The following SNTG1 variants were observed in gnomAD, a reference collection of about 807,000 sequenced individuals.
SNTG1 encodes gamma-1-syntrophin.
In SNTG1, 39 loss-of-function variants were observed where a neutral mutation model predicts 74.7. That is an observed-to-expected ratio of 0.52 (90% CI 0.40 to 0.68). SNTG1 has a LOEUF of 0.68. SNTG1 is among the 30% of genes least tolerant of loss of function. The pLI, the probability that SNTG1 is intolerant of heterozygous loss-of-function variation, is 0.00. For missense variants in SNTG1, 685 were observed against 609.5 expected, an observed-to-expected ratio of 1.12 and a Z score of -1.30; for synonymous variants, 254 against 217.1, an observed-to-expected ratio of 1.17 and a Z score of -1.49.
intron 9 of SNTG1, among the ~76,000 whole-genome samples, chr8:50,512,347 C>T (rs1025435754): frequency 1.3e-5 from 2 of 151,704 alleles, no homozygotes; most frequent in East Asian, 1.9e-4. Flanking sequence ...CTGCCCTTAA[C>T]ATTTTTTCCT....
intron 17 of SNTG1, among the ~76,000 whole-genome samples, chr8:50,732,454 T>A (rs2095515227): frequency 6.6e-6 from 1 of 151,964 alleles, no homozygotes; most frequent in African/African-American, 2.4e-5. Flanking sequence ...TCCCCTAACA[T>A]TATATTACTT....
At position 50,515,387 on chromosome 8, in the gene SNTG1, G is replaced by GTT. The variant is rs34086906; in HGVS notation, c.466+12534_466+12535dup. 4.4e-4 allele frequency among the ~76,000 whole-genome samples: 35 copies of GTT among 80,442 alleles called. 3 individuals carry two copies. Among genetic ancestry groups the GTT allele is most frequent in the African/African-American group, 6.5e-4 (14 of 21,502 alleles). 52.8% of individuals were successfully genotyped at this position (80,442 alleles called of 152,430 possible). A position where few individuals can be genotyped will look rare whatever the true frequency, so the allele number is the denominator to read the frequency against. On this transcript the variant is annotated intron_variant, in intron 9 of 18. Coordinates refer to ENST00000642720, the MANE Select transcript of SNTG1 (RefSeq NM_018967.5). ...GGCAGACAACAAGCTAGCTGCAGGA[G>GTT]TTTTTTTTTTTTTTTTTTTTTTTTT...
At chr8:49,960,803 G>GGT (rs1585670440) in intron 1 of SNTG1, among the ~76,000 whole-genome samples, 1 of 152,104 alleles carries the variant, frequency 6.6e-6, no homozygotes, top group East Asian at 1.9e-4. Context: ...ACCTCAGATA[G>GGT]AGACAATAGA....
At chr8:50,580,615 G>A (rs951774627) in intron 12 of SNTG1, among the ~76,000 whole-genome samples, 3 of 152,140 alleles carry the variant, frequency 2.0e-5, no homozygotes, top group African/African-American at 7.2e-5. Flanking sequence ...TGAGTTCTCA[G>A]GAGATCTGAT....
At chr8:50,781,931 C>A (rs2095660812) in intron 18 of SNTG1, among the ~76,000 whole-genome samples, 1 of 152,100 alleles carries the variant, frequency 6.6e-6, no homozygotes, top group African/African-American at 2.4e-5. Context: ...ATTTGCTTGT[C>A]TGTAAAGGAT....
intron 5 of SNTG1, among the ~76,000 whole-genome samples, chr8:50,441,009 A>G (rs2093353122): frequency 6.6e-6 from 1 of 152,224 alleles, no homozygotes; most frequent in Non-Finnish European, 1.5e-5. Flanking sequence ...GCCATGCCCT[A>G]CACTCTTGAC....
At chr8:50,530,370 C>T in intron 10 of SNTG1, 111 bp downstream of exon 10, 1 of 1,024,440 alleles carries the variant, frequency 9.8e-7, no homozygotes, top group Non-Finnish European at 1.5e-6. Flanking sequence ...GTTGCATAAT[C>T]ATTTAAGAAT....
intron 12 of SNTG1, among the ~76,000 whole-genome samples, chr8:50,571,850 A>T (rs1285730821): frequency 2.6e-5 from 4 of 152,086 alleles, no homozygotes; most frequent in African/African-American, 9.7e-5. Context: ...TTACAAAAGA[A>T]ATCACTTTGA....
At chr8:50,278,825 T>C (rs1298641028) in intron 2 of SNTG1, among the ~76,000 whole-genome samples, 2 of 119,660 alleles carry the variant, frequency 1.7e-5, no homozygotes, top group African/African-American at 2.5e-5. Flanking sequence ...CCAATATTTA[T>C]ACCTTTAACT....
chr8:50,545,491 A>AATATATAT lies in SNTG1; in HGVS notation c.681-7550_681-7543dup, dbSNP rs60704745. Among the ~76,000 whole-genome samples the AATATATAT allele has an allele frequency of 7.0e-3, 1,027 of 147,000 alleles. 13 individuals are homozygous for AATATATAT. Among genetic ancestry groups the AATATATAT allele is most frequent in the African/African-American group, 0.024 (965 of 40,400 alleles). On this transcript the variant is annotated intron_variant, in intron 11 of 18. Transcript: ENST00000642720. The stretch of plus-strand genomic sequence containing the variant: ...TATAATATTATATACATGTTATATA[A>AATATATAT]ATATATATATATATATTTGAATTTG...
At chr8:50,590,278 T>C (rs148747611) in intron 12 of SNTG1, among the ~76,000 whole-genome samples, 1 of 152,290 alleles carries the variant, frequency 6.6e-6, no homozygotes, top group East Asian at 1.9e-4. Flanking sequence ...TGTAATGTCC[T>C]TTATCCAAGC....
At chr8:50,277,077 C>T (rs2088158226) in intron 2 of SNTG1, among the ~76,000 whole-genome samples, 1 of 152,018 alleles carries the variant, frequency 6.6e-6, no homozygotes, top group East Asian at 1.9e-4. Context: ...ATCCACCTGC[C>T]TCGGCCTCCC....
At chr8:50,002,252 G>A (rs1046319653) in intron 1 of SNTG1, among the ~76,000 whole-genome samples, 5 of 152,008 alleles carry the variant, frequency 3.3e-5, no homozygotes, top group Non-Finnish European at 7.4e-5. Context: ...ACAGGACCTC[G>A]TGCTTTTGTT....
At chr8:50,293,965 A>G (rs2089246924) in intron 2 of SNTG1, among the ~76,000 whole-genome samples, 1 of 152,170 alleles carries the variant, frequency 6.6e-6, no homozygotes, top group Non-Finnish European at 1.5e-5. Context: ...ATGCTGTGAC[A>G]TTACTGGAAA....
chr8:50,646,582 A>G (rs2095110454), intron 13 of SNTG1, among the ~76,000 whole-genome samples: 1 of 152,210 alleles, frequency 6.6e-6, no homozygotes. Context: ...ATTATTTATT[A>G]TGAACATGTT....
At chr8:49,927,508 T>G (rs1807134759) in intron 1 of SNTG1, among the ~76,000 whole-genome samples, 1 of 152,192 alleles carries the variant, frequency 6.6e-6, no homozygotes, top group Non-Finnish European at 1.5e-5. Flanking sequence ...AAGTTGAGAA[T>G]ATATTTTAAA....
At chr8:50,664,982 AGC>A (rs2095243549) in intron 15 of SNTG1, among the ~76,000 whole-genome samples, 3 of 152,206 alleles carry the variant, frequency 2.0e-5, no homozygotes, top group African/African-American at 7.2e-5. Flanking sequence ...TTTCAGAGCT[AGC>A]AATAGATTTA....
intron 1 of SNTG1, among the ~76,000 whole-genome samples, chr8:49,973,256 C>G (rs1338497038): frequency 6.6e-6 from 1 of 151,624 alleles, no homozygotes; most frequent in East Asian, 1.9e-4. Flanking sequence ...AGCAAACTAT[C>G]ACAAGGACAA....
At chr8:50,040,970 T>G (rs903114894) in intron 1 of SNTG1, among the ~76,000 whole-genome samples, 1 of 152,120 alleles carries the variant, frequency 6.6e-6, no homozygotes, top group Non-Finnish European at 1.5e-5. Context: ...GATCTTGGCT[T>G]ACTGCAACCC....
Sources: allele counts gnomAD v4.1 joint callset (sites outside exome capture counted in the v4.1 genomes callset), GRCh38; gene constraint gnomAD v4.1.1; transcripts MANE v1.5; gene names NCBI Gene and HGNC (gene_info 2026-07-23, HGNC 2026-07-21).